The following ID2 variants were observed in gnomAD, a reference collection of about 807,000 sequenced individuals.
The protein encoded by ID2 is inhibitor of DNA binding 2, also known as DNA-binding protein inhibitor ID-2.
ID2 carries 2 observed loss-of-function variants against 8.3 expected under a neutral mutation model. The observed-to-expected ratio is 0.24, with a 90% CI of 0.10 to 0.76. The LOEUF is 0.76. Among genes scored for constraint, ID2 ranks in the 30% least tolerant of loss-of-function variants. The pLI is 0.73. For missense variants in ID2, 155 were observed against 167.0 expected (o/e 0.93, Z 0.40); for synonymous variants, 112 against 72.3 (o/e 1.55, Z -2.79).
intron 1 of ID2, 68 bp from the exon 2 acceptor site, chr2:8,682,762 CAAAAAAAAAAAAA>C (rs373887089): frequency 7.7e-4 from 574 of 746,588 alleles, no homozygotes; most frequent in Non-Finnish European, 1.0e-3. Context: ...CTGTGGACTA[CAAAAAAAAAAAAA>C]AAAAAAAAAA....
At chr2:8,682,973 G>A (rs1203558653) in intron 2 of ID2, 67 bp downstream of exon 2, 11 of 1,162,352 alleles carry the variant, frequency 9.5e-6, no homozygotes, top group Non-Finnish European at 1.3e-5. Context: ...GCGCGCATGT[G>A]TTTTTGCTTG....
chr2:8,682,805 T>A (rs1302737713), intron 1 of ID2, 38 bp from the exon 2 acceptor site: 1 of 1,472,598 alleles, frequency 6.8e-7, no homozygotes, highest in Non-Finnish European at 9.5e-7. Flanking sequence ...TACTTAACAT[T>A]GTCTTAACCT....
In ID2 at chr2:8,682,136, C is replaced by T. The variant is rs56393729; in HGVS notation, c.-30C>T. ...CCTGAGCTTCAGGGCAGCCAGCTCC[C>T]TCCCGGTCTCGCCTTCCCTCGCGGT... On this transcript the variant is annotated 5_prime_UTR_variant, in exon 1 of 3. Transcript: ENST00000396290. 0.046 allele frequency: 73,226 copies of T among 1,582,274 alleles called. 1,998 individuals carry two copies. The highest frequency in any genetic ancestry group is 0.054 in the Non-Finnish European group (62,717 of 1,156,314).
chr2:8,682,189 G>A lies in ID2; in HGVS notation c.24G>A (p.Arg8=). ...GCATGAAAGCCTTCAGTCCCGTGAG[G>A]TCCGTTAGGAAAAACAGCCTGTCGG... is the stretch of plus-strand genomic sequence containing the variant. MKAFSPV[R]SVRKNSLSDH... is the part of the protein sequence containing the mutation. Residue 8 remains arginine (R), a synonymous_variant, in exon 1 of 3, where the codon AGG becomes AGA. Transcript: ENST00000396290. 1.9e-6 allele frequency: 3 copies of A among 1,613,766 alleles called. No individual in the cohort carries two copies. The highest frequency in any genetic ancestry group is 2.5e-6 in the Non-Finnish European group (3 of 1,180,010).
chr2:8,682,835 C>A lies in ID2; in HGVS notation c.349-8C>A. The A allele has an allele frequency of 1.3e-6, 2 of 1,589,288 alleles. No individual in the cohort carries two copies. Among genetic ancestry groups the A allele is most frequent in the Non-Finnish European group, 1.7e-6 (2 of 1,160,954 alleles). Reference sequence around the variant, plus strand: ...TAACCTCGTACTCTTTATCCTCTTTCTTTCCAGGCTTCTGAATTCCCTTCT... The same window carrying A: ...TAACCTCGTACTCTTTATCCTCTTTATTTCCAGGCTTCTGAATTCCCTTCT... On this transcript the variant is annotated splice_region_variant and splice_polypyrimidine_tract_variant and intron_variant, in intron 1 of 2. Coordinates refer to ENST00000396290, the MANE Select transcript of ID2 (RefSeq NM_002166.5).
chr2:8,682,828 C>G lies in ID2; in HGVS notation c.349-15C>G, dbSNP rs374872738. 2.5e-6 allele frequency: 4 copies of G among 1,573,258 alleles called. No individual in the cohort carries two copies. Among genetic ancestry groups the G allele is most frequent in the East Asian group, 2.2e-5 (1 of 44,572 alleles). On this transcript the variant is annotated splice_polypyrimidine_tract_variant and intron_variant, in intron 1 of 2. Transcript: ENST00000396290. ...ATTGTCTTAACCTCGTACTCTTTAT[C>G]CTCTTTCTTTCCAGGCTTCTGAATT...
chr2:8,682,790 C>G (rs946603527), intron 1 of ID2, 53 bp from the exon 2 acceptor site: 3 of 1,264,278 alleles, frequency 2.4e-6, no homozygotes, highest in African/African-American at 3.1e-5. Context: ...AAAAAAAACC[C>G]TTTCTACTTA....
In ID2 at chr2:8,682,167, TGAAA is replaced by T; in HGVS notation, c.4_7del (p.Lys2_?3). 1 of 1,612,498 alleles carries T rather than the reference TGAAA, an allele frequency of 6.2e-7. No individual in the cohort carries two copies. The highest frequency in any genetic ancestry group is 8.5e-7 in the Non-Finnish European group (1 of 1,179,464). ...GTCTCGCCTTCCCTCGCGGTCAGCA[TGAAA>T]GCCTTCAGTCCCGTGAGGTCCGTTA... is the stretch of plus-strand genomic sequence containing the variant. On this transcript the variant is annotated frameshift_variant and start_lost, in exon 1 of 3. Transcript: ENST00000396290. LOFTEE classifies it high-confidence loss of function.
In ID2 at chr2:8,682,563, C is replaced by G. The variant is rs768297218; in HGVS notation, c.348+50C>G. The G allele has an allele frequency of 6.5e-6, 9 of 1,389,310 alleles. No individual in the cohort carries two copies. In the East Asian group the frequency reaches 1.4e-4, roughly 21 times the overall value. The allele number at this position is 1,389,310 out of a possible 1,614,324, so 86.1% of individuals were successfully genotyped here. A position where few individuals can be genotyped will look rare whatever the true frequency, so the allele number is the denominator to read the frequency against. On this transcript the variant is annotated intron_variant, in intron 1 of 2. Coordinates refer to ENST00000396290, the MANE Select transcript of ID2 (RefSeq NM_002166.5). ...CCCCGCCGCCGCACACTCCCGCGGT[C>G]GTCTGGGCTGTCACTAGGAGATCCG...
rs1402769984 is a variant in ID2 at position 8,683,923 on chromosome 2, T to G, written c.*246T>G. 1 of 152,566 alleles carries G rather than the reference T, an allele frequency of 6.6e-6. No individual in the cohort carries two copies. Among genetic ancestry groups the G allele is most frequent in the Non-Finnish European group, 1.5e-5 (1 of 68,036 alleles). The allele number at this position is 152,566 out of a possible 1,614,324, so 9.5% of individuals were successfully genotyped here. On this transcript the variant is annotated 3_prime_UTR_variant, in exon 3 of 3. Transcript: ENST00000396290. ...AGACTTTTAAATGCCCTTTCTGCAG[T>G]TGGAAGGTTTTCTTTATATACTATT... is the stretch of plus-strand genomic sequence containing the variant.
rs768085335 is a variant in ID2, at chr2:8,682,488, C to T, written c.323C>T (p.Thr108Met). 3 of 1,613,120 alleles carry T rather than the reference C, an allele frequency of 1.9e-6. No individual in the cohort carries two copies. Among genetic ancestry groups the T allele is most frequent in the South Asian group, 1.1e-5 (1 of 91,080 alleles). Residue 108 changes from threonine to methionine, a missense_variant, in exon 1 of 3, where the codon ACG (threonine) becomes ATG (methionine). Transcript: ENST00000396290. ...AGGACGCCGCTGACCACCCTCAACACGGATATCAGCATCCTGTCCTTGCAG... is the reference window on the plus strand; with the variant it reads ...AGGACGCCGCTGACCACCCTCAACATGGATATCAGCATCCTGTCCTTGCAG... ...ASRTPLTTLN[T>M]DISILSLQAS...
rs1662185830 is a variant in ID2 at position 8,684,296 on chromosome 2, ATAAAT to A, written c.*620_*624del. The stretch of plus-strand genomic sequence containing the variant: ...TGTAAACTTAACCCTTTTATACAAA[ATAAAT>A]CAAGTGTGTTTATTGAATGGTGATT... On this transcript the variant is annotated 3_prime_UTR_variant, in exon 3 of 3. Transcript: ENST00000396290. 1 of 152,560 alleles carries A rather than the reference ATAAAT, an allele frequency of 6.6e-6. No individual in the cohort carries two copies. The highest frequency in any genetic ancestry group is 1.5e-5 in the Non-Finnish European group (1 of 68,034). The allele number at this position is 152,560 out of a possible 1,614,324, so 9.5% of individuals were successfully genotyped here.
intron 1 of ID2, 91 bp downstream of exon 1, chr2:8,682,604 C>CT: frequency 1.1e-6 from 1 of 915,408 alleles, no homozygotes; most frequent in South Asian, 1.5e-5. Flanking sequence ...CAGACGGTGA[C>CT]TTTCGTATGA....
intron 2 of ID2, 76 bp downstream of exon 2, chr2:8,682,982 T>C (rs1234605471): frequency 1.9e-6 from 2 of 1,063,188 alleles, no homozygotes; most frequent in Non-Finnish European, 3.0e-6. Flanking sequence ...TGTTTTTGCT[T>C]GTGTATCTAT....
At chr2:8,682,959 G>T (rs540323460) in intron 2 of ID2, 53 bp downstream of exon 2, 44 of 1,350,692 alleles carry the variant, frequency 3.3e-5, no homozygotes, top group Non-Finnish European at 4.6e-5. Flanking sequence ...GTGTGTGTGC[G>T]CGCGCGCGCA....
At position 8,683,698 on chromosome 2, in the gene ID2, C is replaced by A. The variant is rs1261685324; in HGVS notation, c.*21C>A. ...ACTCTTTCGCAGGTGTTCATGATTT[C>A]TTTTATTCTTTGCACAACAACAACA... On this transcript the variant is annotated 3_prime_UTR_variant, in exon 3 of 3. Transcript: ENST00000396290. 1 of 152,352 alleles carries A rather than the reference C, an allele frequency of 6.6e-6. No homozygotes were observed. Among genetic ancestry groups the A allele is most frequent in the African/African-American group, 2.4e-5 (1 of 41,404 alleles). The allele number at this position is 152,352 out of a possible 1,614,324, so 9.4% of individuals were successfully genotyped here.
intron 2 of ID2, among the ~76,000 whole-genome samples, chr2:8,683,428 G>A (rs1326171181): frequency 6.6e-6 from 1 of 152,244 alleles, no homozygotes; most frequent in Non-Finnish European, 1.5e-5. Context: ...GAAGCAGACT[G>A]GCGCCTGTAG....
Position 8,684,271 on chromosome 2 carries a change from T to G in ID2, c.*594T>G, listed in dbSNP as rs1379723126. ...GCTAAACTTTTTATAAAAGTTTAGT[T>G]GTAAACTTAACCCTTTTATACAAAA... is the stretch of plus-strand genomic sequence containing the variant. On this transcript the variant is annotated 3_prime_UTR_variant, in exon 3 of 3. Transcript: ENST00000396290. 6.6e-6 allele frequency: 1 copy of G among 152,518 alleles called. No homozygotes were observed. The highest frequency in any genetic ancestry group is 2.4e-5 in the African/African-American group (1 of 41,446). The allele number at this position is 152,518 out of a possible 1,614,324, so 9.4% of individuals were successfully genotyped here. A position where few individuals can be genotyped will look rare whatever the true frequency, so the allele number is the denominator to read the frequency against.
chr2:8,684,148 TTGAG>T lies in ID2; in HGVS notation c.*475_*478del, dbSNP rs1337328912. ...TATATTTATATATAAATATATCTAT[TTGAG>T]TGAAACCTTGTGAACTCTTTAATTA... On this transcript the variant is annotated 3_prime_UTR_variant, in exon 3 of 3. Transcript: ENST00000396290. 7 of 152,268 alleles carry T rather than the reference TTGAG, an allele frequency of 4.6e-5. No individual in the cohort carries two copies. The highest frequency in any genetic ancestry group is 7.2e-5 in the African/African-American group (3 of 41,440). 9.4% of individuals were successfully genotyped at this position (152,268 alleles called of 1,614,324 possible).
Sources: gnomAD v4.1 joint callset for allele counts (sites outside exome capture counted in the v4.1 genomes callset) on GRCh38, gnomAD v4.1.1 for gene constraint, MANE v1.5 for transcripts, NCBI Gene and HGNC (gene_info 2026-07-23, HGNC 2026-07-21) for gene names.